The following TLK1 variants were observed in gnomAD, a reference collection of about 807,000 sequenced individuals.
The protein encoded by TLK1 is tousled like kinase 1.
TLK1 carries 24 observed loss-of-function variants against 105.3 expected under a neutral mutation model. The observed-to-expected ratio is 0.23, with a 90% CI of 0.17 to 0.32. The LOEUF (loss-of-function observed/expected upper bound fraction) is 0.32, where lower values mean the gene tolerates loss of function less well. Ranked by LOEUF, TLK1 falls within the 10% of genes least tolerant of loss-of-function variation. The pLI is 1.00. For missense variants in TLK1, 558 were observed against 910.5 expected, an observed-to-expected ratio of 0.61 and a Z score of 4.98; for synonymous variants, 321 against 310.4, an observed-to-expected ratio of 1.03 and a Z score of -0.36.
chr2:171,147,075 C>G (rs903550417), intron 1 of TLK1, among the ~76,000 whole-genome samples: 2 of 152,232 alleles, frequency 1.3e-5, no homozygotes, highest in African/African-American at 4.8e-5. Flanking sequence ...GTTGTTTTAT[C>G]TAACCCACAA....
At chr2:171,136,357 CA>C (rs1691323766) in intron 1 of TLK1, among the ~76,000 whole-genome samples, 1 of 152,142 alleles carries the variant, frequency 6.6e-6, no homozygotes, top group Non-Finnish European at 1.5e-5. Flanking sequence ...TGTAAAGTTA[CA>C]GTTTGACAAA....
intron 2 of TLK1, among the ~76,000 whole-genome samples, chr2:171,107,559 T>A (rs1239565183): frequency 6.6e-6 from 1 of 152,210 alleles, no homozygotes; most frequent in African/African-American, 2.4e-5. Context: ...CTAAGCACCA[T>A]TCTTCATTAA....
At chr2:171,120,322 T>C (rs931415691) in intron 1 of TLK1, among the ~76,000 whole-genome samples, 1 of 151,506 alleles carries the variant, frequency 6.6e-6, no homozygotes, top group Admixed American at 6.6e-5. Context: ...TAAAAACTTT[T>C]GTGCCTAAAA....
chr2:171,030,457 T>G (rs957501629), intron 11 of TLK1, among the ~76,000 whole-genome samples: 2 of 152,130 alleles, frequency 1.3e-5, no homozygotes, highest in African/African-American at 4.8e-5. Context: ...TGCTGGAGTG[T>G]GAATGTAGAT....
intron 1 of TLK1, among the ~76,000 whole-genome samples, chr2:171,143,002 T>C (rs1167799192): frequency 6.6e-6 from 1 of 152,098 alleles, no homozygotes; most frequent in Non-Finnish European, 1.5e-5. Context: ...TCACTTGAAC[T>C]CAGAGACAGA....
At position 171,203,021 on chromosome 2, in the gene TLK1, T is replaced by C. The variant is rs1693433102; in HGVS notation, c.-6+28124A>G. On this transcript the variant is annotated intron_variant, in intron 1 of 20. Coordinates refer to the TLK1 transcript ENST00000521943. ...CTCTCAGTGGTGGGGGAACATACAC[T>C]ATATTAATATATTGTTAAGTATTGT... is the stretch of plus-strand genomic sequence containing the variant. 2.0e-5 allele frequency among the ~76,000 whole-genome samples: 3 copies of C among 152,286 alleles called. No individual in the cohort carries two copies. The South Asian group carries it at 6.2e-4, about 32-fold the overall frequency.
chr2:171,229,253 T>C (rs891906624), intron 1 of TLK1, among the ~76,000 whole-genome samples: 1 of 152,184 alleles, frequency 6.6e-6, no homozygotes. Context: ...GGAAATCTCA[T>C]GAGCTCACAG....
intron 2 of TLK1, among the ~76,000 whole-genome samples, chr2:171,093,073 C>T (rs1389246856): frequency 1.3e-5 from 2 of 152,138 alleles, no homozygotes; most frequent in Non-Finnish European, 2.9e-5. Flanking sequence ...TCAAAATTAG[C>T]CTCCTACTGC....
chr2:171,004,610 C>A (rs1221967381), intron 18 of TLK1, among the ~76,000 whole-genome samples: 1 of 152,178 alleles, frequency 6.6e-6, no homozygotes, highest in African/African-American at 2.4e-5. Flanking sequence ...CTTCCCTATA[C>A]TAGTGAAGCC....
intron 1 of TLK1, among the ~76,000 whole-genome samples, chr2:171,190,151 TGA>T (rs1693117532): frequency 6.6e-6 from 1 of 152,162 alleles, no homozygotes; most frequent in African/African-American, 2.4e-5. Context: ...CAACATAAAG[TGA>T]GTGTTGCTGG....
chr2:171,171,311 G>T (rs1367193021), intron 1 of TLK1, among the ~76,000 whole-genome samples: 1 of 151,968 alleles, frequency 6.6e-6, no homozygotes, highest in Non-Finnish European at 1.5e-5. Context: ...CTGAGATCAC[G>T]CCACTGCACT....
In TLK1 at chr2:171,160,433, C is replaced by G. The variant is rs1185861409; in HGVS notation, c.-5G>C. ...ACTGCTACTTTGGACACTCATCAAG[C>G]TACTTTCTGGGAACCCGACTCCCCC... On this transcript the variant is annotated 5_prime_UTR_variant, in exon 1 of 21. Coordinates refer to ENST00000431350, the MANE Select transcript of TLK1 (RefSeq NM_012290.5). The surrounding 1 kb of genome is among the most constrained non-coding windows in gnomAD (Gnocchi z 4.4). 6.3e-7 allele frequency: 1 copy of G among 1,593,830 alleles called. No individual in the cohort carries two copies. Among genetic ancestry groups the G allele is most frequent in the Admixed American group, 1.7e-5 (1 of 57,306 alleles).
At chr2:171,131,147 A>C (rs1424409260) in intron 1 of TLK1, among the ~76,000 whole-genome samples, 2 of 152,192 alleles carry the variant, frequency 1.3e-5, no homozygotes, top group African/African-American at 4.8e-5. Context: ...AGATAGATAC[A>C]GAAATATGTA....
chr2:171,230,211 C>G (rs1693970801), intron 1 of TLK1, among the ~76,000 whole-genome samples: 1 of 152,136 alleles, frequency 6.6e-6, no homozygotes, highest in African/African-American at 2.4e-5. Flanking sequence ...GCAATTGAAG[C>G]CATCCTCACA....
chr2:171,038,441 C>T (rs1441839767), intron 11 of TLK1, among the ~76,000 whole-genome samples: 2 of 152,122 alleles, frequency 1.3e-5, no homozygotes, highest in East Asian at 1.9e-4. Flanking sequence ...TTCTTACATA[C>T]ATAACTAAAG....
At chr2:171,017,787 A>C (rs1376829668) in intron 12 of TLK1, among the ~76,000 whole-genome samples, 2 of 152,244 alleles carry the variant, frequency 1.3e-5, no homozygotes, top group Non-Finnish European at 2.9e-5. Flanking sequence ...TGTCAGTAGC[A>C]CTAGAGAAAA....
intron 2 of TLK1, among the ~76,000 whole-genome samples, chr2:171,084,539 T>TA (rs1489074752): frequency 6.6e-6 from 1 of 152,130 alleles, no homozygotes; most frequent in South Asian, 2.1e-4. Context: ...GAAAGCCCTG[T>TA]AAGAAAAGCC....
At chr2:171,121,947 TTTTG>T (rs1165572104) in intron 1 of TLK1, among the ~76,000 whole-genome samples, 2 of 152,058 alleles carry the variant, frequency 1.3e-5, no homozygotes, top group African/African-American at 2.4e-5. Flanking sequence ...TCTAATTACT[TTTTG>T]TTTGTTTGTT....
chr2:171,114,286 A>T (rs905832936), intron 2 of TLK1, among the ~76,000 whole-genome samples: 1 of 152,210 alleles, frequency 6.6e-6, no homozygotes, highest in African/African-American at 2.4e-5. Flanking sequence ...AGAGCCTGTG[A>T]CTATGTTACC....
Sources: allele counts gnomAD v4.1 joint callset (sites outside exome capture counted in the v4.1 genomes callset), GRCh38; gene constraint gnomAD v4.1.1; non-coding constraint Gnocchi (gnomAD v3.1); transcripts MANE v1.5; gene names NCBI Gene and HGNC (gene_info 2026-07-23, HGNC 2026-07-21).